NFASC: variants seen among roughly 807,000 people sequenced by gnomAD.
NFASC encodes neurofascin homolog.
A neutral mutation model predicts 147.5 loss-of-function variants in NFASC; 43 were observed. The observed-to-expected ratio is 0.29, with a 90% CI of 0.23 to 0.38. NFASC has a LOEUF of 0.38. NFASC is among the 10% of genes least tolerant of loss of function. NFASC has a pLI of 1.00. For synonymous variants in NFASC, 622 were observed against 665.5 expected, an observed-to-expected ratio of 0.93 and a Z score of 1.01; for missense variants, 1,320 against 1,689.0, an observed-to-expected ratio of 0.78 and a Z score of 3.83.
chr1:204,945,941 C>T (rs957074910), intron 3 of NFASC, among the ~76,000 whole-genome samples: 1 of 152,208 alleles, frequency 6.6e-6, no homozygotes, highest in Non-Finnish European at 1.5e-5. Flanking sequence ...TCCCCAGGGC[C>T]AGTGGGTGAG....
At chr1:204,910,162 T>C (rs1004028370) in intron 1 of NFASC, among the ~76,000 whole-genome samples, 4 of 152,104 alleles carry the variant, frequency 2.6e-5, no homozygotes, top group African/African-American at 9.7e-5. Context: ...CCAGTATATA[T>C]ATATGGAGAT....
At chr1:204,997,102 G>A in intron 24 of NFASC, 68 bp from the exon 25 acceptor site, 1 of 1,558,382 alleles carries the variant, frequency 6.4e-7, no homozygotes, top group South Asian at 1.2e-5. Context: ...CTTGCACGCG[G>A]GGGCCGTGTG....
At chr1:204,898,966 C>T (rs2083953804) in intron 1 of NFASC, among the ~76,000 whole-genome samples, 1 of 152,138 alleles carries the variant, frequency 6.6e-6, no homozygotes, top group African/African-American at 2.4e-5. Flanking sequence ...GGGGAGCTTC[C>T]AGTCTAATGG....
chr1:205,016,227 G>C lies in NFASC; in HGVS notation c.3492-81G>C. 2 of 950,604 alleles carry C rather than the reference G, an allele frequency of 2.1e-6. No homozygotes were observed. Among genetic ancestry groups the C allele is most frequent in the Non-Finnish European group, 3.4e-6 (2 of 587,640 alleles). The allele number at this position is 950,604 out of a possible 1,614,324, so 58.9% of individuals were successfully genotyped here. A position where few individuals can be genotyped will look rare whatever the true frequency, so the allele number is the denominator to read the frequency against. On this transcript the variant is annotated intron_variant, in intron 29 of 29. Transcript: ENST00000339876. The surrounding 1 kb of genome is among the most constrained non-coding windows in gnomAD (Gnocchi z 5.1). ...CGGTCTCCTGGATCCCATCCTCTCT[G>C]AGCTGTGTAGGGCATGTGCTGGCAG...
At chr1:204,993,038 C>T (rs897717812) in intron 24 of NFASC, among the ~76,000 whole-genome samples, 1 of 152,192 alleles carries the variant, frequency 6.6e-6, no homozygotes, top group African/African-American at 2.4e-5. Flanking sequence ...ATCAGCTGTT[C>T]TCAGCTTTAA....
intron 21 of NFASC, chr1:204,984,343 G>GTA (rs1292457725): frequency 1.2e-5 from 4 of 327,440 alleles, no homozygotes; most frequent in African/African-American, 1.0e-4. Flanking sequence ...GTGTGTGTGT[G>GTA]TGTATATATA....
Position 204,968,747 on chromosome 1 carries a change from A to G in NFASC, c.819-51A>G, listed in dbSNP as rs12059629. On this transcript the variant is annotated intron_variant, in intron 9 of 29. Coordinates refer to ENST00000339876, the MANE Select transcript of NFASC (RefSeq NM_001005388.3). The surrounding 1 kb of genome is among the most constrained non-coding windows in gnomAD (Gnocchi z 5.4). ...GGTGTCCCCAGCTGTATAGAAGAGG[A>G]GAAAGGCCACGTTTAGTGATAACTT... The G allele has an allele frequency of 1.3e-6, 2 of 1,558,240 alleles. No homozygotes were observed. The highest frequency in any genetic ancestry group is 2.4e-5 in the South Asian group (2 of 83,180).
At chr1:204,863,660 G>T (rs1007292727) in intron 1 of NFASC, among the ~76,000 whole-genome samples, 1 of 151,984 alleles carries the variant, frequency 6.6e-6, no homozygotes, top group Non-Finnish European at 1.5e-5. Flanking sequence ...GACCAGTCTA[G>T]CCAACATGGT....
chr1:205,013,575 T>G (rs2096290815), intron 29 of NFASC, among the ~76,000 whole-genome samples: 2 of 152,182 alleles, frequency 1.3e-5, no homozygotes, highest in African/African-American at 4.8e-5. Context: ...TATTCTATAC[T>G]TCTATACCCA....
At chr1:204,900,287 G>T (rs771103700) in intron 1 of NFASC, among the ~76,000 whole-genome samples, 2 of 152,178 alleles carry the variant, frequency 1.3e-5, no homozygotes, top group Non-Finnish European at 2.9e-5. Flanking sequence ...CCAGATCTCA[G>T]GTTCAAAGAA....
rs539325560 is a variant in NFASC, at chr1:204,880,197, G to T, written c.-199-40435G>T. Among the ~76,000 whole-genome samples, 415 of 152,248 alleles carry T rather than the reference G, an allele frequency of 2.7e-3. 5 individuals carry two copies. The highest frequency in any genetic ancestry group is 9.7e-3 in the African/African-American group (401 of 41,532). On this transcript the variant is annotated intron_variant, in intron 1 of 29. Transcript: ENST00000339876. ...TTAAGCCATCACCTACAGGCTTTAG[G>T]TTAGACTTAGACAGCTCTACCTGCG...
At chr1:204,837,961 C>T (rs1674239549) in intron 1 of NFASC, among the ~76,000 whole-genome samples, 1 of 152,104 alleles carries the variant, frequency 6.6e-6, no homozygotes, top group African/African-American at 2.4e-5. Context: ...ATGAGAATTC[C>T]AGCACACTGC....
chr1:204,978,633 C>T (rs1025817645), intron 17 of NFASC, among the ~76,000 whole-genome samples: 40 of 152,346 alleles, frequency 2.6e-4, no homozygotes, highest in African/African-American at 9.6e-4. Context: ...GGTCTGATGA[C>T]GGGTGGCATT....
In NFASC at chr1:204,828,751, A is replaced by C; in HGVS notation, c.-231A>C. Reference sequence around the variant, plus strand: ...GGCGCCGGCAGCGGACAGCTCGGACAGCGCCCAGGGCCGGAGCCCGAGCCC... The same window carrying C: ...GGCGCCGGCAGCGGACAGCTCGGACCGCGCCCAGGGCCGGAGCCCGAGCCC... On this transcript the variant is annotated 5_prime_UTR_variant, in exon 1 of 30. Transcript: ENST00000339876. The C allele has an allele frequency of 1.0e-6, 1 of 985,864 alleles. No individual in the cohort carries two copies. Among genetic ancestry groups the C allele is most frequent in the Non-Finnish European group, 1.2e-6 (1 of 830,404 alleles). The allele number at this position is 985,864 out of a possible 1,614,324, so 61.1% of individuals were successfully genotyped here.
At position 205,001,303 on chromosome 1, in the gene NFASC, G is replaced by T. The variant is rs766269203; in HGVS notation, c.3136+17G>T. 1 of 1,539,274 alleles carries T rather than the reference G, an allele frequency of 6.5e-7. No individual in the cohort carries two copies. Among genetic ancestry groups the T allele is most frequent in the East Asian group, 2.3e-5 (1 of 43,942 alleles). ...ACATCGACAGTAAGCATTGCTGTGC[G>T]GGGTGGTGGTGGCGGCAGCGGCGTC... On this transcript the variant is annotated intron_variant, in intron 26 of 29. Coordinates refer to ENST00000339876, the MANE Select transcript of NFASC (RefSeq NM_001005388.3).
At chr1:204,867,137 C>T (rs1445424909) in intron 1 of NFASC, among the ~76,000 whole-genome samples, 1 of 152,136 alleles carries the variant, frequency 6.6e-6, no homozygotes, top group Non-Finnish European at 1.5e-5. Flanking sequence ...AGATGTCAGC[C>T]TGGAGGAGCT....
intron 24 of NFASC, among the ~76,000 whole-genome samples, chr1:204,991,735 G>A (rs2095740988): frequency 6.6e-6 from 1 of 152,224 alleles, no homozygotes; most frequent in Non-Finnish European, 1.5e-5. Flanking sequence ...GGCTCCTGGT[G>A]GGGCTGCCAT....
chr1:204,945,596 G>C (rs1362606948), intron 3 of NFASC, among the ~76,000 whole-genome samples: 1 of 152,228 alleles, frequency 6.6e-6, no homozygotes, highest in Non-Finnish European at 1.5e-5. Context: ...GGTAAGATGG[G>C]CAAAGCCCCT....
At chr1:204,886,738 T>C (rs1396290880) in intron 1 of NFASC, among the ~76,000 whole-genome samples, 3 of 152,190 alleles carry the variant, frequency 2.0e-5, no homozygotes, top group African/African-American at 7.2e-5. Context: ...TGCCTAGTGT[T>C]ATAGAACTAG....
Sources: allele counts gnomAD v4.1 joint callset (sites outside exome capture counted in the v4.1 genomes callset), GRCh38; gene constraint gnomAD v4.1.1; non-coding constraint Gnocchi (gnomAD v3.1); transcripts MANE v1.5; gene names NCBI Gene and HGNC (gene_info 2026-07-23, HGNC 2026-07-21).